Variants in MGAT4C observed in about 807,000 individuals in gnomAD.
The protein encoded by MGAT4C is alpha-1,3-mannosyl-glycoprotein 4-beta-N-acetylglucosaminyltransferase C.
Under a neutral mutation model 40.1 loss-of-function variants are expected in MGAT4C, and 19 were observed. The ratio of observed to expected loss-of-function variants is 0.47; its 90% CI spans 0.33 to 0.70. The LOEUF (loss-of-function observed/expected upper bound fraction) is 0.70, where lower values mean the gene tolerates loss of function less well. Ranked by LOEUF, MGAT4C falls within the 30% of genes least tolerant of loss-of-function variation. The pLI is 0.02. For missense variants in MGAT4C, 491 were observed against 563.2 expected, an observed-to-expected ratio of 0.87 and a Z score of 1.30; for synonymous variants, 181 against 187.1, an observed-to-expected ratio of 0.97 and a Z score of 0.27.
At chr12:86,003,442 T>G (rs1227216154) in intron 2 of MGAT4C, among the ~76,000 whole-genome samples, 1 of 152,134 alleles carries the variant, frequency 6.6e-6, no homozygotes, top group Non-Finnish European at 1.5e-5. Flanking sequence ...AAGAGTTGTT[T>G]GATGCCCATT....
chr12:86,781,275 A>C (rs1371839060), intron 1 of MGAT4C, among the ~76,000 whole-genome samples: 1 of 152,108 alleles, frequency 6.6e-6, no homozygotes, highest in Non-Finnish European at 1.5e-5. Flanking sequence ...CATTCCCACT[A>C]ACAGTCTGTA....
chr12:86,268,861 C>T (rs1592622507), intron 4 of MGAT4C, among the ~76,000 whole-genome samples: 1 of 145,086 alleles, frequency 6.9e-6, no homozygotes, highest in African/African-American at 2.5e-5. Context: ...AGTAATTATG[C>T]ATATACATTT....
intron 2 of MGAT4C, among the ~76,000 whole-genome samples, chr12:86,520,846 T>C (rs930359962): frequency 6.6e-6 from 1 of 152,190 alleles, no homozygotes. Context: ...TGAACTTTTT[T>C]CACATGCTTG....
intron 1 of MGAT4C, among the ~76,000 whole-genome samples, chr12:86,766,544 C>T (rs1384487996): frequency 1.3e-5 from 2 of 151,844 alleles, no homozygotes; most frequent in Non-Finnish European, 2.9e-5. Flanking sequence ...GAACTCTCCA[C>T]CCCAAATAAA....
At position 86,318,344 on chromosome 12, in the gene MGAT4C, G is replaced by A. The variant is rs1336461730; in HGVS notation, c.-57+15721C>T. Among the ~76,000 whole-genome samples, 3 of 152,118 alleles carry A rather than the reference G, an allele frequency of 2.0e-5. No homozygotes were observed. In the East Asian group the frequency reaches 5.8e-4, roughly 29 times the overall value. ...TGAAACATTAATACTAAGCAGTACT[G>A]TCTACACCTGAAGGAGCAGCCATCA... On this transcript the variant is annotated intron_variant, in intron 4 of 7. Transcript: ENST00000548651.
chr12:86,376,772 AAGAAAGAGAGAGAG>A (rs1342981847), intron 3 of MGAT4C, among the ~76,000 whole-genome samples: 1 of 142,706 alleles, frequency 7.0e-6, no homozygotes, highest in East Asian at 2.0e-4. Flanking sequence ...ATCAAAGAGC[AAGAAAGAGAGAGAG>A]AGACAGAGAG....
At chr12:86,794,273 AAT>A (rs749982065) in intron 1 of MGAT4C, among the ~76,000 whole-genome samples, 31 of 151,882 alleles carry the variant, frequency 2.0e-4, no homozygotes, top group Middle Eastern at 3.7e-3. Context: ...GATGCTTTAA[AAT>A]ATGTTTAATA....
At chr12:86,425,510 T>C (rs1565753603) in intron 3 of MGAT4C, among the ~76,000 whole-genome samples, 1 of 152,234 alleles carries the variant, frequency 6.6e-6, no homozygotes. Context: ...TGCAGAACTG[T>C]GAGTCAATTA....
intron 4 of MGAT4C, among the ~76,000 whole-genome samples, chr12:86,269,055 T>TTTTCTTTTA (rs1952875227): frequency 2.3e-5 from 3 of 127,782 alleles, no homozygotes; most frequent in African/African-American, 8.8e-5. Flanking sequence ...TATATATATA[T>TTTTCTTTTA]ATATATTCTT....
intron 1 of MGAT4C, among the ~76,000 whole-genome samples, chr12:86,806,519 AC>A (rs1318185849): frequency 6.6e-6 from 1 of 151,828 alleles, no homozygotes; most frequent in Non-Finnish European, 1.5e-5. Flanking sequence ...TCATATATAC[AC>A]TACTACACTC....
At chr12:86,138,496 T>TATATCATATATATATTTCCATAG (rs1566037277) in intron 1 of MGAT4C, among the ~76,000 whole-genome samples, 12 of 129,890 alleles carry the variant, frequency 9.2e-5, no homozygotes, top group Non-Finnish European at 2.0e-4. Flanking sequence ...TATTTCCATA[T>TATATCATATATATATTTCCATAG]ATATATCATG....
At chr12:86,395,204 T>C (rs1956238124) in intron 3 of MGAT4C, among the ~76,000 whole-genome samples, 1 of 152,180 alleles carries the variant, frequency 6.6e-6, no homozygotes, top group Non-Finnish European at 1.5e-5. Flanking sequence ...ATTTGAGATC[T>C]CAGATCTAAT....
chr12:86,441,658 C>T (rs1219872597), intron 2 of MGAT4C, among the ~76,000 whole-genome samples: 1 of 151,960 alleles, frequency 6.6e-6, no homozygotes, highest in Non-Finnish European at 1.5e-5. Context: ...TCATCCATGT[C>T]CCTACAAAGG....
intron 1 of MGAT4C, among the ~76,000 whole-genome samples, chr12:86,077,413 TAAA>T (rs1006748118): frequency 3.3e-5 from 5 of 152,124 alleles, no homozygotes; most frequent in Non-Finnish European, 7.4e-5. Context: ...CATTACATGA[TAAA>T]AAAGAAAGGA....
chr12:86,649,775 C>G (rs1279788894), intron 2 of MGAT4C, among the ~76,000 whole-genome samples: 1 of 151,712 alleles, frequency 6.6e-6, no homozygotes, highest in East Asian at 1.9e-4. Flanking sequence ...TGTAAAATAT[C>G]AAGATCTTAA....
chr12:86,517,143 G>A (rs1406759530), intron 2 of MGAT4C, among the ~76,000 whole-genome samples: 1 of 152,128 alleles, frequency 6.6e-6, no homozygotes, highest in Non-Finnish European at 1.5e-5. Context: ...TTCTCAAAAT[G>A]TTAAAGGTAG....
At chr12:86,813,988 G>A (rs952222434) in intron 1 of MGAT4C, among the ~76,000 whole-genome samples, 7 of 151,646 alleles carry the variant, frequency 4.6e-5, no homozygotes, top group African/African-American at 1.7e-4. Context: ...TTGGCTCACT[G>A]CAACCTCCGC....
intron 3 of MGAT4C, among the ~76,000 whole-genome samples, chr12:86,412,342 T>C (rs539199820): frequency 3.9e-5 from 6 of 152,296 alleles, no homozygotes; most frequent in Admixed American, 1.3e-4. Context: ...AGAGCAGCCA[T>C]AGGGGCTGAG....
At position 85,974,773 on chromosome 12, in the gene MGAT4C, C is replaced by T. The variant is rs1348701290; in HGVS notation, c.*4516G>A. 1 of 150,084 alleles carries T rather than the reference C, an allele frequency of 6.7e-6. No homozygotes were observed. The highest frequency in any genetic ancestry group is 2.4e-5 in the African/African-American group (1 of 41,094). 9.3% of individuals were successfully genotyped at this position (150,084 alleles called of 1,614,324 possible). On this transcript the variant is annotated 3_prime_UTR_variant, in exon 5 of 5. Transcript: ENST00000611864. ...CTAAAAAGAATAACCCCAATCTGAA[C>T]AAAGAAATTCAAAGTAATGGAAAAC...
Sources: gnomAD v4.1 joint callset for allele counts (sites outside exome capture counted in the v4.1 genomes callset) on GRCh38, gnomAD v4.1.1 for gene constraint, MANE v1.5 for transcripts, NCBI Gene and HGNC (gene_info 2026-07-23, HGNC 2026-07-21) for gene names.